Variants in SPAG16 observed in about 807,000 individuals in gnomAD.
The protein encoded by SPAG16 is sperm-associated antigen 16 protein.
A neutral mutation model predicts 80.4 loss-of-function variants in SPAG16; 86 were observed. The ratio of observed to expected loss-of-function variants is 1.07; its 90% confidence interval spans 0.90 to 1.28. SPAG16 has a LOEUF of 1.28. Ranked by LOEUF, SPAG16 falls within the 50% of genes most tolerant of loss-of-function variation. SPAG16 has a pLI of 0.00. For missense variants in SPAG16, 870 were observed against 765.3 expected, an observed-to-expected ratio of 1.14 and a Z score of -1.61; for synonymous variants, 294 against 265.9, an observed-to-expected ratio of 1.11 and a Z score of -1.03.
chr2:214,254,769 T>TA (rs1690561341), intron 15 of SPAG16, among the ~76,000 whole-genome samples: 1 of 128,992 alleles, frequency 7.8e-6, no homozygotes. Flanking sequence ...AGGCTAGGAG[T>TA]AAAAGATATA....
intron 9 of SPAG16, among the ~76,000 whole-genome samples, chr2:213,376,543 T>C (rs936503944): frequency 7.9e-5 from 12 of 151,990 alleles, no homozygotes; most frequent in Non-Finnish European, 1.5e-4. Context: ...TTTTTACTAG[T>C]ATTTCTCTTA....
At chr2:213,910,351 T>G (rs1190403521) in intron 11 of SPAG16, among the ~76,000 whole-genome samples, 1 of 152,088 alleles carries the variant, frequency 6.6e-6, no homozygotes, top group South Asian at 2.1e-4. Context: ...TTACTGAAGA[T>G]TTTCTAGGAG....
At chr2:214,191,787 A>G (rs993645372) in intron 15 of SPAG16, among the ~76,000 whole-genome samples, 3 of 151,844 alleles carry the variant, frequency 2.0e-5, no homozygotes, top group Admixed American at 6.6e-5. Flanking sequence ...AAGAGTTCAC[A>G]TAGAATTTGA....
At chr2:213,934,112 TGGGGAAAGGTGCTCCTCTG>T (rs2078889421) in intron 12 of SPAG16, among the ~76,000 whole-genome samples, 2 of 152,044 alleles carry the variant, frequency 1.3e-5, no homozygotes, top group Non-Finnish European at 2.9e-5. Flanking sequence ...CAAAGAACAA[TGGGGAAAGGTGCTCCTCTG>T]GGGGACAGCC....
At chr2:214,201,370 T>A (rs2058005130) in intron 15 of SPAG16, among the ~76,000 whole-genome samples, 1 of 152,204 alleles carries the variant, frequency 6.6e-6, no homozygotes, top group Non-Finnish European at 1.5e-5. Context: ...GCTAGCTAGT[T>A]TTCCTGCCCT....
At chr2:213,782,178 C>T (rs1834769) in intron 10 of SPAG16, among the ~76,000 whole-genome samples, 139,634 of 151,342 alleles carry the variant, frequency 0.92, 65,439 homozygotes, top group East Asian at 1. Context: ...TAATAGTCTT[C>T]AGTTTTTTTT....
At chr2:214,233,232 A>G (rs1234541467) in intron 15 of SPAG16, among the ~76,000 whole-genome samples, 1 of 151,970 alleles carries the variant, frequency 6.6e-6, no homozygotes, top group East Asian at 1.9e-4. Flanking sequence ...GGTGTTGGCA[A>G]TAGTCTCTTT....
intron 9 of SPAG16, chr2:213,422,134 G>T (rs565773162): frequency 4.6e-5 from 32 of 694,082 alleles, no homozygotes; most frequent in Non-Finnish European, 7.9e-6. Context: ...TTGCCACTTT[G>T]CAGGTGATGA....
intron 10 of SPAG16, among the ~76,000 whole-genome samples, chr2:213,819,921 T>A (rs1456925870): frequency 6.8e-6 from 1 of 146,136 alleles, no homozygotes; most frequent in Non-Finnish European, 1.5e-5. Flanking sequence ...CACACCCGGC[T>A]AATTTTTCTA....
chr2:213,351,638 A>T (rs2065332641), intron 7 of SPAG16, among the ~76,000 whole-genome samples: 1 of 152,038 alleles, frequency 6.6e-6, no homozygotes, highest in Non-Finnish European at 1.5e-5. Flanking sequence ...TTTTCTGGAG[A>T]TTTTCATTTT....
chr2:214,147,267 T>C (rs562398530), intron 14 of SPAG16, among the ~76,000 whole-genome samples: 1 of 152,324 alleles, frequency 6.6e-6, no homozygotes, highest in East Asian at 1.9e-4. Flanking sequence ...AAGTATTAAA[T>C]GTAAAAATAT....
chr2:213,310,319 AACACACACACACACACACACAC>A (rs59407158), intron 4 of SPAG16, 142 bp downstream of exon 4: 6,678 of 346,184 alleles, frequency 0.019, 32 homozygotes, highest in Non-Finnish European at 0.027. Flanking sequence ...CTGAAACCAC[AACACACACACACACACACACAC>A]ACACACACAC....
At position 213,789,787 on chromosome 2, in the gene SPAG16, T is replaced by G. The variant is rs537055835; in HGVS notation, c.1071-72698T>G. Among the ~76,000 whole-genome samples, 3 of 152,050 alleles carry G rather than the reference T, an allele frequency of 2.0e-5. No homozygotes were observed. The East Asian group carries it at 5.8e-4, about 29-fold the overall frequency. On this transcript the variant is annotated intron_variant, in intron 10 of 15. Transcript: ENST00000331683. Reference sequence around the variant, plus strand: ...AACTAAAATTGAATGTATCTACTTATTCACTTTCAAACCCAAAATATACTC... The same window carrying G: ...AACTAAAATTGAATGTATCTACTTAGTCACTTTCAAACCCAAAATATACTC...
At chr2:214,376,581 G>A (rs1228931757) in intron 15 of SPAG16, among the ~76,000 whole-genome samples, 1 of 152,020 alleles carries the variant, frequency 6.6e-6, no homozygotes, top group East Asian at 1.9e-4. Context: ...TAATAATCTT[G>A]TATTGTACTG....
intron 12 of SPAG16, among the ~76,000 whole-genome samples, chr2:213,932,120 G>T (rs2078771962): frequency 7.0e-6 from 1 of 143,112 alleles, no homozygotes; most frequent in Non-Finnish European, 1.5e-5. Flanking sequence ...TATGTATGCT[G>T]TGTCATATAT....
chr2:213,646,975 G>A (rs73988576), intron 10 of SPAG16, among the ~76,000 whole-genome samples: 3,946 of 152,008 alleles, frequency 0.026, 72 homozygotes, highest in African/African-American at 0.047. Context: ...TAAATACTTA[G>A]CAATTTAAAC....
chr2:213,607,038 T>C (rs1227324678), intron 10 of SPAG16, among the ~76,000 whole-genome samples: 1 of 152,188 alleles, frequency 6.6e-6, no homozygotes, highest in Non-Finnish European at 1.5e-5. Context: ...TGTGTTGAGC[T>C]CATCAGAAAG....
chr2:213,831,030 A>G (rs2073611625), intron 10 of SPAG16, among the ~76,000 whole-genome samples: 1 of 142,918 alleles, frequency 7.0e-6, no homozygotes, highest in Admixed American at 7.3e-5. Context: ...AAAGTGAAAC[A>G]TGACTTTTTT....
chr2:214,407,434 G>A (rs1016248350), intron 15 of SPAG16, among the ~76,000 whole-genome samples: 2 of 152,000 alleles, frequency 1.3e-5, no homozygotes, highest in African/African-American at 4.8e-5. Flanking sequence ...CAGGTTTCAC[G>A]TAAGTTCTCA....
Sources: gnomAD v4.1 joint callset for allele counts (sites outside exome capture counted in the v4.1 genomes callset) on GRCh38, gnomAD v4.1.1 for gene constraint, MANE v1.5 for transcripts, NCBI Gene and HGNC (gene_info 2026-07-23, HGNC 2026-07-21) for gene names.